Variants in SMARCC1 observed in about 807,000 individuals in gnomAD.
SMARCC1 encodes SWI/SNF complex subunit SMARCC1.
SMARCC1 carries 43 observed loss-of-function variants against 147.4 expected under a neutral mutation model. That is an observed-to-expected ratio of 0.29 (90% CI 0.23 to 0.38). The LOEUF (loss-of-function observed/expected upper bound fraction) is 0.38, where lower values mean the gene tolerates loss of function less well. Ranked by LOEUF, SMARCC1 falls within the 10% of genes least tolerant of loss-of-function variation. The pLI, the probability that SMARCC1 is intolerant of heterozygous loss-of-function variation, is 1.00. For missense variants in SMARCC1, 1,119 were observed against 1,381.1 expected, an observed-to-expected ratio of 0.81 and a Z score of 3.01; for synonymous variants, 495 against 484.4, an observed-to-expected ratio of 1.02 and a Z score of -0.29.
Position 47,781,706 on chromosome 3 carries a change from T to A in SMARCC1, c.92A>T (p.Tyr31Phe). The change falls in exon 1 of 28, where the codon TAT (tyrosine) becomes TTT (phenylalanine). Residue 31 changes from tyrosine (Y) to phenylalanine (F), a missense_variant. By Grantham distance (22) the Tyr-to-Phe change is conservative. Transcript: ENST00000254480. ...GGCCGGGCCCCCATCCTTCCGTCGA[T>A]AAACAGCTAGGCCTGCGGCTGCCGC... ...IAAAAAGLAV[Y>F]RRKDGGPATK... 1 of 1,562,548 alleles carries A rather than the reference T, an allele frequency of 6.4e-7. No homozygotes were observed. Among genetic ancestry groups the A allele is most frequent in the African/African-American group, 1.4e-5 (1 of 70,510 alleles).
chr3:47,615,553 T>C (rs555844559), intron 25 of SMARCC1, among the ~76,000 whole-genome samples: 3 of 152,332 alleles, frequency 2.0e-5, no homozygotes, highest in Non-Finnish European at 2.9e-5. Flanking sequence ...CATCATCTCA[T>C]AGTATTTGGT....
chr3:47,609,908 G>A (rs1015033851), intron 26 of SMARCC1, among the ~76,000 whole-genome samples, 158 bp downstream of exon 26: 1 of 152,194 alleles, frequency 6.6e-6, no homozygotes, highest in African/African-American at 2.4e-5. Flanking sequence ...TTCATGTGGC[G>A]ATAACCCTAA....
chr3:47,663,574 T>C, intron 19 of SMARCC1: 1 of 1,329,726 alleles, frequency 7.5e-7, no homozygotes, highest in Non-Finnish European at 1.1e-6. Flanking sequence ...AGCAAGACCC[T>C]GTCTTAGGTC....
intron 21 of SMARCC1, among the ~76,000 whole-genome samples, chr3:47,642,515 G>A (rs1186582448): frequency 3.9e-5 from 6 of 151,990 alleles, no homozygotes; most frequent in Admixed American, 6.6e-5. Context: ...GCTTGAACCC[G>A]GGTGGTAGAG....
At chr3:47,688,159 C>T (rs2033750840) in intron 13 of SMARCC1, among the ~76,000 whole-genome samples, 2 of 152,124 alleles carry the variant, frequency 1.3e-5, no homozygotes, top group African/African-American at 4.8e-5. Context: ...ACTCCGGAGG[C>T]TGAGGCAGGA....
chr3:47,643,064 A>T (rs532981662), intron 21 of SMARCC1, among the ~76,000 whole-genome samples: 4 of 152,164 alleles, frequency 2.6e-5, no homozygotes, highest in Admixed American at 6.5e-5. Flanking sequence ...CAAACAAATA[A>T]ATAACTGGAA....
intron 13 of SMARCC1, among the ~76,000 whole-genome samples, chr3:47,687,792 T>C (rs1189080719): frequency 6.6e-6 from 1 of 152,166 alleles, no homozygotes; most frequent in Non-Finnish European, 1.5e-5. Flanking sequence ...AAAGAGTGTC[T>C]TGCACTGTCA....
chr3:47,592,691 T>G (rs905872778), intron 26 of SMARCC1, among the ~76,000 whole-genome samples: 12 of 152,178 alleles, frequency 7.9e-5, no homozygotes, highest in Admixed American at 7.9e-4. Flanking sequence ...CTCAACCACA[T>G]AAACTCAAGC....
At chr3:47,698,005 CAAAAAAAA>C (rs71070213) in intron 11 of SMARCC1, among the ~76,000 whole-genome samples, 7 of 12,496 alleles carry the variant, frequency 5.6e-4, no homozygotes, top group Middle Eastern at 0.1. Context: ...GCCTCCGCCT[CAAAAAAAA>C]AAAAAAAAAA....
At chr3:47,693,478 C>T (rs544756767) in intron 11 of SMARCC1, among the ~76,000 whole-genome samples, 178 bp from the exon 12 acceptor site, 4 of 152,298 alleles carry the variant, frequency 2.6e-5, no homozygotes, top group Admixed American at 1.3e-4. Context: ...AGACTATATT[C>T]TCATTACCCA....
intron 14 of SMARCC1, among the ~76,000 whole-genome samples, chr3:47,683,463 C>T (rs2033680109): frequency 6.6e-6 from 1 of 152,130 alleles, no homozygotes; most frequent in South Asian, 2.1e-4. Context: ...AAATTGTCTC[C>T]AAAAAGACTT....
chr3:47,749,015 A>AG (rs1296004440), intron 2 of SMARCC1, among the ~76,000 whole-genome samples: 1 of 152,140 alleles, frequency 6.6e-6, no homozygotes, highest in African/African-American at 2.4e-5. Flanking sequence ...TTAAAAAAAA[A>AG]TAGTAATAAA....
In SMARCC1 at chr3:47,623,188, A is replaced by C. The variant is rs1206761352; in HGVS notation, c.2647-847T>G. Among the ~76,000 whole-genome samples, 11 of 150,540 alleles carry C rather than the reference A, an allele frequency of 7.3e-5. No homozygotes were observed. The East Asian group carries it at 1.9e-3, about 27-fold the overall frequency. Reference sequence around the variant, plus strand: ...GCAGGGTTCTTCATAAAAAAAAAAAAAAAACCTATGTTGCCCAGGCTGGCC... The same window carrying C: ...GCAGGGTTCTTCATAAAAAAAAAAACAAAACCTATGTTGCCCAGGCTGGCC... On this transcript the variant is annotated intron_variant, in intron 24 of 27. Coordinates refer to ENST00000254480, the MANE Select transcript of SMARCC1 (RefSeq NM_003074.4).
chr3:47,633,779 TACACACACACAC>T (rs149363143), intron 24 of SMARCC1, among the ~76,000 whole-genome samples: 5 of 28,878 alleles, frequency 1.7e-4, no homozygotes, highest in South Asian at 1.3e-3. Context: ...TATATATATA[TACACACACACAC>T]ACACACACAC....
At chr3:47,663,517 G>A (rs1553681319) in intron 19 of SMARCC1, 6 of 785,542 alleles carry the variant, frequency 7.6e-6, no homozygotes, top group South Asian at 6.9e-5. Flanking sequence ...GGGCTGAGGC[G>A]AGAGGATCTC....
At chr3:47,666,676 G>GA (rs1297459361) in intron 19 of SMARCC1, among the ~76,000 whole-genome samples, 1 of 151,346 alleles carries the variant, frequency 6.6e-6, no homozygotes, top group African/African-American at 2.4e-5. Flanking sequence ...GGATGGCGCT[G>GA]AATGTGGCCC....
chr3:47,640,481 A>G (rs1017545115), intron 21 of SMARCC1, among the ~76,000 whole-genome samples: 1 of 152,148 alleles, frequency 6.6e-6, no homozygotes, highest in Non-Finnish European at 1.5e-5. Flanking sequence ...AGTAAAATTT[A>G]AAAATTAGAT....
chr3:47,697,174 G>A (rs560785025), intron 11 of SMARCC1, among the ~76,000 whole-genome samples: 1 of 152,306 alleles, frequency 6.6e-6, no homozygotes, highest in East Asian at 1.9e-4. Flanking sequence ...TAAAAATTAA[G>A]CAAATGTGGT....
At chr3:47,749,133 T>C (rs935182055) in intron 2 of SMARCC1, among the ~76,000 whole-genome samples, 4 of 151,736 alleles carry the variant, frequency 2.6e-5, no homozygotes, top group Admixed American at 6.6e-5. Flanking sequence ...TGAAATCCCA[T>C]CTCTACCAAA....
Sources: gnomAD v4.1 joint callset for allele counts (sites outside exome capture counted in the v4.1 genomes callset) on GRCh38, gnomAD v4.1.1 for gene constraint, MANE v1.5 for transcripts, NCBI Gene and HGNC (gene_info 2026-07-23, HGNC 2026-07-21) for gene names.